Variants in KCNMB2 observed in about 807,000 individuals in gnomAD.
The protein encoded by KCNMB2 is potassium calcium-activated channel subfamily M regulatory beta subunit 2.
A neutral mutation model predicts 24.5 loss-of-function variants in KCNMB2; 9 were observed. That is an observed-to-expected ratio of 0.37 (90% confidence interval 0.22 to 0.64). The LOEUF is 0.64. Ranked by LOEUF, KCNMB2 falls within the 30% of genes least tolerant of loss-of-function variation. The pLI is 0.63. For missense variants in KCNMB2, 226 were observed against 284.3 expected (o/e 0.79, Z 1.47); for synonymous variants, 109 against 104.4 (o/e 1.04, Z -0.27).
chr3:178,565,325 C>T (rs925097254), intron 1 of KCNMB2, among the ~76,000 whole-genome samples: 1 of 152,156 alleles, frequency 6.6e-6, no homozygotes, highest in Admixed American at 6.5e-5. Context: ...CACCAGCAGT[C>T]GAGACTCATC....
chr3:178,790,465 A>G (rs1457231406), intron 1 of KCNMB2, among the ~76,000 whole-genome samples: 3 of 152,160 alleles, frequency 2.0e-5, no homozygotes, highest in Non-Finnish European at 4.4e-5. Flanking sequence ...GGCTTCTGGG[A>G]TCCCCAATTC....
intron 1 of KCNMB2, among the ~76,000 whole-genome samples, chr3:178,758,370 ATC>A (rs1322756976): frequency 8.9e-5 from 2 of 22,472 alleles, no homozygotes; most frequent in East Asian, 1.0e-3. Flanking sequence ...ATATATATAT[ATC>A]TCCAAGAGGG....
At chr3:178,816,981 A>C (rs1714427088) in intron 2 of KCNMB2, among the ~76,000 whole-genome samples, 1 of 152,120 alleles carries the variant, frequency 6.6e-6, no homozygotes, top group South Asian at 2.1e-4. Flanking sequence ...TCCAACAAAA[A>C]TAAATATGAA....
chr3:178,568,870 A>AGAT (rs1454737297), intron 1 of KCNMB2, among the ~76,000 whole-genome samples: 1 of 145,738 alleles, frequency 6.9e-6, no homozygotes, highest in Non-Finnish European at 1.5e-5. Context: ...ATAGATAGAT[A>AGAT]GATAGATAGA....
intron 1 of KCNMB2, among the ~76,000 whole-genome samples, chr3:178,555,876 G>A (rs1420252186): frequency 6.6e-6 from 1 of 152,200 alleles, no homozygotes; most frequent in Admixed American, 6.5e-5. Flanking sequence ...ACCAAAGAGG[G>A]GAAAGCTAAT....
intron 1 of KCNMB2, among the ~76,000 whole-genome samples, chr3:178,544,753 A>T (rs1323649227): frequency 6.6e-6 from 1 of 152,154 alleles, no homozygotes; most frequent in African/African-American, 2.4e-5. Context: ...TTTTCAACAA[A>T]TCTATCTGAT....
At chr3:178,725,652 C>T (rs1039234631) in intron 1 of KCNMB2, among the ~76,000 whole-genome samples, 9 of 151,932 alleles carry the variant, frequency 5.9e-5, no homozygotes, top group Non-Finnish European at 1.3e-4. Flanking sequence ...GTTTGTTTTT[C>T]CCCAGAATAT....
rs539995038 is a variant in KCNMB2, at chr3:178,548,783, A to G, written c.-68+12072A>G. Among the ~76,000 whole-genome samples the G allele has an allele frequency of 7.2e-5, 11 of 152,360 alleles. No individual in the cohort carries two copies. The South Asian group carries it at 2.3e-3, about 32-fold the overall frequency. On this transcript the variant is annotated intron_variant, in intron 1 of 4. Transcript: ENST00000452583. Reference sequence around the variant, plus strand: ...CTACCTTTTGGTACTTGCTTGTAACATAATTATATGTATAAATAAGTTTTC... The same window carrying G: ...CTACCTTTTGGTACTTGCTTGTAACGTAATTATATGTATAAATAAGTTTTC...
At chr3:178,790,890 A>C (rs530446767) in intron 1 of KCNMB2, among the ~76,000 whole-genome samples, 1 of 152,262 alleles carries the variant, frequency 6.6e-6, no homozygotes, top group East Asian at 1.9e-4. Context: ...CAAGAGCCAC[A>C]GTGTTACTGG....
chr3:178,756,097 A>T (rs1473344736), intron 1 of KCNMB2, among the ~76,000 whole-genome samples: 1 of 152,198 alleles, frequency 6.6e-6, no homozygotes, highest in East Asian at 1.9e-4. Context: ...AACTGGAAAG[A>T]TGATCATAAT....
chr3:178,680,221 G>A (rs773467527), intron 1 of KCNMB2, among the ~76,000 whole-genome samples: 17 of 152,162 alleles, frequency 1.1e-4, no homozygotes, highest in Non-Finnish European at 2.4e-4. Context: ...GAGAGATAAG[G>A]TGAGGAAGAG....
intron 1 of KCNMB2, among the ~76,000 whole-genome samples, chr3:178,762,400 A>G (rs763083842): frequency 7.9e-5 from 12 of 152,224 alleles, no homozygotes; most frequent in Non-Finnish European, 1.5e-5. Flanking sequence ...CAGTGTGGCT[A>G]TATCCCAGTA....
chr3:178,787,944 T>A (rs71310306), intron 1 of KCNMB2, among the ~76,000 whole-genome samples: 16,914 of 152,174 alleles, frequency 0.11, 1,035 homozygotes, highest in Non-Finnish European at 0.13. Context: ...GTTTCCTCTT[T>A]GGGTAAAGAG....
intron 1 of KCNMB2, among the ~76,000 whole-genome samples, chr3:178,801,447 AC>A (rs1380169356): frequency 2.2e-4 from 34 of 152,192 alleles, no homozygotes; most frequent in Admixed American, 2.0e-3. Context: ...TTCCTCTACA[AC>A]TGGGCAGTAA....
Position 178,840,510 on chromosome 3 carries a change from G to A in KCNMB2, c.424-2143G>A, listed in dbSNP as rs141825117. 3.0e-4 allele frequency among the ~76,000 whole-genome samples: 46 copies of A among 152,298 alleles called. No individual in the cohort carries two copies. In the East Asian group the frequency reaches 7.1e-3, roughly 24 times the overall value. The stretch of plus-strand genomic sequence containing the variant: ...TTGCCCTAGCAGAGGTTCTCCATGA[G>A]GTCTCCACCCCTACATCAGAATTCT... On this transcript the variant is annotated intron_variant, in intron 4 of 4. Coordinates refer to ENST00000452583, the MANE Select transcript of KCNMB2 (RefSeq NM_181361.3).
intron 1 of KCNMB2, among the ~76,000 whole-genome samples, chr3:178,564,565 C>A (rs1423144994): frequency 6.6e-6 from 1 of 152,194 alleles, no homozygotes; most frequent in Non-Finnish European, 1.5e-5. Context: ...CACCCCACTT[C>A]TAGCAGGCAC....
chr3:178,729,652 A>C (rs1027577953), intron 1 of KCNMB2, among the ~76,000 whole-genome samples: 1 of 152,234 alleles, frequency 6.6e-6, no homozygotes, highest in African/African-American at 2.4e-5. Flanking sequence ...AAATGACCAC[A>C]TTGGGCAGAT....
chr3:178,691,202 C>A (rs1721662722), intron 1 of KCNMB2, among the ~76,000 whole-genome samples: 1 of 147,486 alleles, frequency 6.8e-6, no homozygotes, highest in Non-Finnish European at 1.5e-5. Flanking sequence ...CCTGCCTCAG[C>A]CTCTCAAAGT....
At chr3:178,742,957 G>A (rs1368386659) in intron 1 of KCNMB2, among the ~76,000 whole-genome samples, 1 of 152,052 alleles carries the variant, frequency 6.6e-6, no homozygotes, top group Non-Finnish European at 1.5e-5. Context: ...TGGTATTCAG[G>A]GTAAGGTAAA....
Sources: allele counts gnomAD v4.1 joint callset (sites outside exome capture counted in the v4.1 genomes callset), GRCh38; gene constraint gnomAD v4.1.1; transcripts MANE v1.5; gene names NCBI Gene and HGNC (gene_info 2026-07-23, HGNC 2026-07-21).